The following TFEC variants were observed in gnomAD, a reference collection of about 807,000 sequenced individuals.
TFEC encodes class E basic helix-loop-helix protein 34.
TFEC carries 31 observed loss-of-function variants against 41.6 expected under a neutral mutation model. That is an observed-to-expected ratio of 0.74 (90% CI 0.56 to 1.01). The LOEUF (loss-of-function observed/expected upper bound fraction) is 1.01. Ranked by LOEUF, TFEC falls within the 50% of genes least tolerant of loss-of-function variation. The probability of loss-of-function intolerance (pLI) is 0.00; values close to 1 mark genes in which losing one functional copy is unlikely to be tolerated. For missense variants in TFEC, 402 were observed against 404.1 expected (o/e 0.99, Z 0.04); for synonymous variants, 143 against 140.6 (o/e 1.02, Z -0.12).
At chr7:115,957,421 T>C (rs1792294984) in intron 3 of TFEC, among the ~76,000 whole-genome samples, 1 of 151,854 alleles carries the variant, frequency 6.6e-6, no homozygotes, top group South Asian at 2.1e-4. Flanking sequence ...GAATATAGGG[T>C]ACATCCAATT....
intron 2 of TFEC, among the ~76,000 whole-genome samples, chr7:115,980,413 A>G (rs903061924): frequency 1.3e-5 from 2 of 152,110 alleles, no homozygotes; most frequent in African/African-American, 4.8e-5. Flanking sequence ...CTGACTACCT[A>G]CTTCTGGCCT....
intron 5 of TFEC, among the ~76,000 whole-genome samples, chr7:115,953,387 T>C (rs1215369163): frequency 2.0e-5 from 3 of 152,114 alleles, no homozygotes; most frequent in African/African-American, 7.2e-5. Context: ...ATTCATTCTA[T>C]TTAAAACTTA....
chr7:116,130,257 A>C (rs1798305314), intron 1 of TFEC, among the ~76,000 whole-genome samples: 1 of 152,114 alleles, frequency 6.6e-6, no homozygotes, highest in Non-Finnish European at 1.5e-5. Flanking sequence ...TTATCCATTC[A>C]CTAGCTAGAC....
intron 3 of TFEC, among the ~76,000 whole-genome samples, chr7:116,048,178 T>G (rs912144492): frequency 3.3e-5 from 5 of 151,944 alleles, no homozygotes; most frequent in Admixed American, 6.6e-5. Context: ...ATAATAAACT[T>G]CTCCGAGCTA....
chr7:116,068,439 G>C (rs928865949), intron 3 of TFEC, among the ~76,000 whole-genome samples: 1 of 151,666 alleles, frequency 6.6e-6, no homozygotes, highest in Non-Finnish European at 1.5e-5. Context: ...CATAGGTAAT[G>C]ATGAGGTAAA....
intron 6 of TFEC, among the ~76,000 whole-genome samples, chr7:115,944,046 A>ATTTTTTTTTTTTTT (rs1793660227): frequency 6.5e-5 from 1 of 15,480 alleles, no homozygotes; most frequent in African/African-American, 1.5e-4. Context: ...TTTTTGCTTC[A>ATTTTTTTTTTTTTT]ACATTTTGTG....
intron 3 of TFEC, among the ~76,000 whole-genome samples, chr7:115,966,999 G>C (rs753566673): frequency 2.3e-4 from 35 of 151,636 alleles, no homozygotes; most frequent in Non-Finnish European, 1.0e-4. Context: ...CTCAGCAAGA[G>C]AAAAGGCATT....
At chr7:115,946,747 G>T (rs1162958316) in intron 6 of TFEC, among the ~76,000 whole-genome samples, 1 of 143,480 alleles carries the variant, frequency 7.0e-6, no homozygotes, top group Admixed American at 7.3e-5. Flanking sequence ...TCACACCCAG[G>T]TTGATCTTGA....
At chr7:115,968,308 C>T in intron 3 of TFEC, 1 of 1,495,348 alleles carries the variant, frequency 6.7e-7, no homozygotes, top group South Asian at 1.3e-5. Context: ...AACTTCTACA[C>T]TAAAGTGAAC....
rs533999985 is a variant in TFEC, at chr7:116,126,924, G to A, written c.-68-14886C>T. ...AGGACTCCTGAAAAAAGAACCCTTC[G>A]ACAAAATAAATTAAATAAATAAATA... On this transcript the variant is annotated intron_variant, in intron 1 of 8. Coordinates refer to the TFEC transcript ENST00000484212. Among the ~76,000 whole-genome samples the A allele has an allele frequency of 7.2e-5, 11 of 152,008 alleles. No homozygotes were observed. In the South Asian group the frequency reaches 1.9e-3, roughly 26 times the overall value.
chr7:115,964,528 G>A (rs886625018), intron 3 of TFEC, among the ~76,000 whole-genome samples: 4 of 151,368 alleles, frequency 2.6e-5, no homozygotes, highest in African/African-American at 7.3e-5. Flanking sequence ...CCACCATCAA[G>A]TTTGATTTCC....
At chr7:115,986,551 G>A (rs1227660524) in intron 1 of TFEC, among the ~76,000 whole-genome samples, 1 of 152,046 alleles carries the variant, frequency 6.6e-6, no homozygotes, top group Non-Finnish European at 1.5e-5. Context: ...TATTGAAAGA[G>A]AAAGTGATTT....
intron 6 of TFEC, among the ~76,000 whole-genome samples, chr7:115,948,671 A>G (rs1282724434): frequency 1.3e-5 from 2 of 151,728 alleles, no homozygotes; most frequent in Admixed American, 6.6e-5. Flanking sequence ...AAAACTCTCA[A>G]TAAATTAGGT....
chr7:116,026,478 G>T (rs370660406), intron 1 of TFEC, among the ~76,000 whole-genome samples: 1 of 152,070 alleles, frequency 6.6e-6, no homozygotes, highest in Non-Finnish European at 1.5e-5. Flanking sequence ...ACCTAGTACC[G>T]CACCAGGTAC....
At chr7:116,013,212 G>T (rs373165673) in intron 1 of TFEC, among the ~76,000 whole-genome samples, 2 of 151,914 alleles carry the variant, frequency 1.3e-5, no homozygotes, top group African/African-American at 4.8e-5. Flanking sequence ...ACTAATAAAT[G>T]CAATTATTCT....
At chr7:116,000,426 C>T (rs1191139561) in intron 1 of TFEC, among the ~76,000 whole-genome samples, 1 of 151,970 alleles carries the variant, frequency 6.6e-6, no homozygotes. Context: ...CAACATGGTA[C>T]TGGAAGTCCT....
chr7:115,954,718 C>A, intron 4 of TFEC, 76 bp from the exon 5 acceptor site: 1 of 1,090,400 alleles, frequency 9.2e-7, no homozygotes, highest in South Asian at 1.4e-5. Flanking sequence ...ATTCAGAACT[C>A]CTAGGTGAAA....
intron 3 of TFEC, among the ~76,000 whole-genome samples, chr7:116,083,006 C>T (rs916186862): frequency 2.0e-5 from 3 of 151,658 alleles, no homozygotes; most frequent in Admixed American, 6.6e-5. Context: ...TACCAAGATA[C>T]GTTATGCTTT....
chr7:115,958,442 C>A (rs1357896199), intron 3 of TFEC, among the ~76,000 whole-genome samples: 1 of 151,628 alleles, frequency 6.6e-6, no homozygotes, highest in African/African-American at 2.4e-5. Context: ...ATAATGGACA[C>A]GTTGAACAAA....
Sources: allele counts gnomAD v4.1 joint callset (sites outside exome capture counted in the v4.1 genomes callset), GRCh38; gene constraint gnomAD v4.1.1; transcripts MANE v1.5; gene names NCBI Gene and HGNC (gene_info 2026-07-23, HGNC 2026-07-21).